FBXL19: variants seen among roughly 807,000 people sequenced by gnomAD.
FBXL19 encodes F-box and leucine rich repeat protein 19.
A neutral mutation model predicts 71.2 loss-of-function variants in FBXL19; 16 were observed. The observed-to-expected ratio is 0.22, with a 90% CI of 0.15 to 0.34. The LOEUF (loss-of-function observed/expected upper bound fraction) is 0.34, where lower values mean the gene tolerates loss of function less well. Among genes scored for constraint, FBXL19 ranks in the 10% least tolerant of loss-of-function variants. The probability of loss-of-function intolerance (pLI) is 1.00; values close to 1 mark genes in which losing one functional copy is unlikely to be tolerated. For synonymous variants in FBXL19, 447 were observed against 409.4 expected (o/e 1.09, Z -1.11); for missense variants, 658 against 968.2 (o/e 0.68, Z 4.25).
At chr16:30,934,526 T>G (rs1381826446) in intron 7 of FBXL19, among the ~76,000 whole-genome samples, 1 of 151,628 alleles carries the variant, frequency 6.6e-6, no homozygotes. Flanking sequence ...GGCATGGTGG[T>G]GGGCGCCTGT....
At position 30,927,311 on chromosome 16, in the gene FBXL19, G is replaced by A; in HGVS notation, c.181G>A (p.Val61Met). Reference protein sequence around the residue: ...SCLLRQCTAPVLPHTAVCLLC... With the variant: ...SCLLRQCTAPMLPHTAVCLLC... ...GATGTCCCCTCTCCCCCAACAGCCC[G>A]TGCTCCCACACACAGCTGTGTGCCT... Residue 61 changes from valine (V) to methionine (M), a missense_variant, in exon 3 of 11, where the codon GTG (valine) becomes ATG (methionine). Physicochemically the swap from Val to Met is conservative, Grantham distance 21. Around this residue, in one of 8 missense-constraint regions of FBXL19, gnomAD observed 447 missense variants for 515.4 expected, o/e 0.87. Coordinates refer to ENST00000338343, the MANE Select transcript of FBXL19 (RefSeq NM_001382779.1). 1.9e-6 allele frequency: 3 copies of A among 1,564,176 alleles called. No individual in the cohort carries two copies. Among genetic ancestry groups the A allele is most frequent in the South Asian group, 1.2e-5 (1 of 84,920 alleles).
At chr16:30,924,760 G>A (rs35675346) in intron 1 of FBXL19, 383,034 of 1,486,574 alleles carry the variant, frequency 0.26, 55,657 homozygotes, top group South Asian at 0.62. Flanking sequence ...CGGAAAGGGG[G>A]AATCTGGGGT....
At chr16:30,927,692 G>T (rs1205599989) in intron 4 of FBXL19, 33 bp downstream of exon 4, 1 of 1,559,308 alleles carries the variant, frequency 6.4e-7, no homozygotes, top group Non-Finnish European at 8.7e-7. Flanking sequence ...CTGTGGGTAG[G>T]TGGGTGTTGG....
In FBXL19 at chr16:30,930,666, C is replaced by A; in HGVS notation, c.1301+82C>A. On this transcript the variant is annotated intron_variant, in intron 7 of 10. Transcript: ENST00000338343. This position sits in a 1 kb window ranked among gnomAD's most constrained non-coding sequence, Gnocchi z 8.5. ...TGACCTGCGGTAGGTCTCTGGCCCTCTCTGGGCCTTGCTTTTATATTGGGG... is the reference window on the plus strand; with the variant it reads ...TGACCTGCGGTAGGTCTCTGGCCCTATCTGGGCCTTGCTTTTATATTGGGG... The A allele has an allele frequency of 1.5e-6, 2 of 1,347,952 alleles. No homozygotes were observed. Among genetic ancestry groups the A allele is most frequent in the South Asian group, 1.8e-5 (1 of 55,862 alleles). The allele number at this position is 1,347,952 out of a possible 1,614,324, so 83.5% of individuals were successfully genotyped here.
At chr16:30,938,157 G>A (rs2055758942) in intron 7 of FBXL19, among the ~76,000 whole-genome samples, 1 of 152,114 alleles carries the variant, frequency 6.6e-6, no homozygotes, top group African/African-American at 2.4e-5. Context: ...AGGAGAGCGA[G>A]TGGCAGAGGG....
At position 30,947,782 on chromosome 16, in the gene FBXL19, A is replaced by T. The variant is rs1310980666; in HGVS notation, c.*552A>T. The stretch of plus-strand genomic sequence containing the variant: ...AGCTGGGGCTGAGCTGGAGGTGGGG[A>T]TGAGAGCAGGTGTGGGGACAGCAAT... On this transcript the variant is annotated 3_prime_UTR_variant, in exon 11 of 11. Transcript: ENST00000338343. 3 of 414,610 alleles carry T rather than the reference A, an allele frequency of 7.2e-6. No homozygotes were observed. The highest frequency in any genetic ancestry group is 1.7e-4 in the East Asian group (2 of 11,930). 25.7% of individuals were successfully genotyped at this position (414,610 alleles called of 1,614,324 possible). A position where few individuals can be genotyped will look rare whatever the true frequency, so the allele number is the denominator to read the frequency against.
In FBXL19 at chr16:30,946,234, C is replaced by T. The variant is rs990772830; in HGVS notation, c.1628-496C>T. 3.3e-5 allele frequency among the ~76,000 whole-genome samples: 5 copies of T among 152,114 alleles called. No individual in the cohort carries two copies. Among genetic ancestry groups the T allele is most frequent in the East Asian group, 3.9e-4 (2 of 5,188 alleles). On this transcript the variant is annotated intron_variant, in intron 9 of 10. Coordinates refer to ENST00000338343, the MANE Select transcript of FBXL19 (RefSeq NM_001382779.1). The surrounding 1 kb of genome is among the most constrained non-coding windows in gnomAD (Gnocchi z 6.7). ...ATTTATTTATTTTGAGATGGAGTCTCGCTCTGTTGCCCAGGCTGGGGTGCA... is the reference window on the plus strand; with the variant it reads ...ATTTATTTATTTTGAGATGGAGTCTTGCTCTGTTGCCCAGGCTGGGGTGCA...
chr16:30,945,574 G>T (rs1352692005), intron 9 of FBXL19, among the ~76,000 whole-genome samples: 2 of 150,994 alleles, frequency 1.3e-5, no homozygotes, highest in Non-Finnish European at 2.9e-5. Flanking sequence ...GTGGCAAGGA[G>T]ATTGCTTGAA....
chr16:30,942,579 G>C lies in FBXL19; in HGVS notation c.1627+43G>C. The C allele has an allele frequency of 6.6e-7, 1 of 1,521,450 alleles. No individual in the cohort carries two copies. Among genetic ancestry groups the C allele is most frequent in the Admixed American group, 2.0e-5 (1 of 49,846 alleles). The allele number at this position is 1,521,450 out of a possible 1,614,324, so 94.2% of individuals were successfully genotyped here. ...TTTTCTGGAGAATGGGCTGGGCAAG[G>C]GTAGGGTAGGAGGCCTCTCAGGTCT... is the stretch of plus-strand genomic sequence containing the variant. On this transcript the variant is annotated intron_variant, in intron 9 of 10. Coordinates refer to ENST00000338343, the MANE Select transcript of FBXL19 (RefSeq NM_001382779.1). The surrounding 1 kb of genome is among the most constrained non-coding windows in gnomAD (Gnocchi z 5.7).
chr16:30,938,605 GTCTT>G (rs975212429), intron 7 of FBXL19, among the ~76,000 whole-genome samples: 1 of 152,150 alleles, frequency 6.6e-6, no homozygotes, highest in Non-Finnish European at 1.5e-5. Context: ...TGGAAAGGAA[GTCTT>G]TCCATTGGAA....
chr16:30,932,261 G>T, intron 7 of FBXL19, among the ~76,000 whole-genome samples: 1 of 152,214 alleles, frequency 6.6e-6, no homozygotes, highest in Middle Eastern at 3.2e-3. Flanking sequence ...CGCACAGCCT[G>T]TCAGGCCTCA....
rs1268572660 is a variant in FBXL19 at position 30,942,719 on chromosome 16, T to G, written c.1627+183T>G. 6.6e-6 allele frequency among the ~76,000 whole-genome samples: 1 copy of G among 152,242 alleles called. No homozygotes were observed. The highest frequency in any genetic ancestry group is 1.5e-5 in the Non-Finnish European group (1 of 68,038). Reference sequence around the variant, plus strand: ...TCATTCACCCACCTGCTGTGTACTTTGAACTGAGTCTTGAAAGGAACAGGG... The same window carrying G: ...TCATTCACCCACCTGCTGTGTACTTGGAACTGAGTCTTGAAAGGAACAGGG... On this transcript the variant is annotated intron_variant, in intron 9 of 10. Coordinates refer to ENST00000338343, the MANE Select transcript of FBXL19 (RefSeq NM_001382779.1). This position sits in a 1 kb window ranked among gnomAD's most constrained non-coding sequence, Gnocchi z 5.7.
chr16:30,947,192 C>T lies in FBXL19; in HGVS notation c.1987C>T (p.Arg663Cys). The T allele has an allele frequency of 6.3e-7, 1 of 1,598,762 alleles. No homozygotes were observed. The highest frequency in any genetic ancestry group is 8.5e-7 in the Non-Finnish European group (1 of 1,179,294). The change falls in exon 11 of 11, where the codon CGC becomes TGC. Residue 663 changes from arginine (R) to cysteine (C), a missense_variant. By Grantham distance (180) the Arg-to-Cys change is radical. Transcript: ENST00000338343. Reference protein sequence around the residue: ...LAAAGPPGPFRCPEEKLLLKD... With the variant: ...LAAAGPPGPFCCPEEKLLLKD... Reference sequence around the variant, plus strand: ...AGCTGCCGGGCCCCCTGGCCCCTTCCGCTGCCCTGAGGAGAAGCTGCTTCT... The same window carrying T: ...AGCTGCCGGGCCCCCTGGCCCCTTCTGCTGCCCTGAGGAGAAGCTGCTTCT...
At chr16:30,923,086 T>C (rs1312852894), upstream of FBXL19, 2 of 456,602 alleles carry the variant, frequency 4.4e-6, no homozygotes, top group Non-Finnish European at 8.8e-6. Context: ...CCTTTTCACC[T>C]TTCCATTGTT....
rs1025809394 is a variant in FBXL19 at position 30,930,448 on chromosome 16, C to G, written c.1165C>G (p.Pro389Ala). ...CGTGGTGCGGCCCCCGCCTCGAAGC[C>G]CTGAGCCCGACACACTCCCCTTGGC... is the stretch of plus-strand genomic sequence containing the variant. ...RHVVRPPPRSPEPDTLPLAAG... is the reference protein window; with the variant it reads ...RHVVRPPPRSAEPDTLPLAAG... The change falls in exon 7 of 11, where the codon CCT (proline) becomes GCT (alanine). Residue 389 changes from proline to alanine, a missense_variant. Coordinates refer to ENST00000338343, the MANE Select transcript of FBXL19 (RefSeq NM_001382779.1). The surrounding 1 kb of genome is among the most constrained non-coding windows in gnomAD (Gnocchi z 8.5). The G allele has an allele frequency of 6.5e-7, 1 of 1,534,186 alleles. No individual in the cohort carries two copies. Among genetic ancestry groups the G allele is most frequent in the Non-Finnish European group, 8.7e-7 (1 of 1,145,638 alleles).
At chr16:30,943,869 C>G (rs1208395958) in intron 9 of FBXL19, among the ~76,000 whole-genome samples, 1 of 152,140 alleles carries the variant, frequency 6.6e-6, no homozygotes, top group South Asian at 2.1e-4. Context: ...CCCACCATGC[C>G]CCCTCCACAA....
At position 30,946,156 on chromosome 16, in the gene FBXL19, A is replaced by G. The variant is rs979724975; in HGVS notation, c.1628-574A>G. ...GAACGTGAAGGAATCGGCATGTCACATGGCAAGACAGCAAGAGAGAGGAGG... is the reference window on the plus strand; with the variant it reads ...GAACGTGAAGGAATCGGCATGTCACGTGGCAAGACAGCAAGAGAGAGGAGG... On this transcript the variant is annotated intron_variant, in intron 9 of 10. Transcript: ENST00000338343. This position sits in a 1 kb window ranked among gnomAD's most constrained non-coding sequence, Gnocchi z 6.7. Among the ~76,000 whole-genome samples, 3 of 152,200 alleles carry G rather than the reference A, an allele frequency of 2.0e-5. No individual in the cohort carries two copies. The highest frequency in any genetic ancestry group is 4.4e-5 in the Non-Finnish European group (3 of 68,026).
intron 7 of FBXL19, among the ~76,000 whole-genome samples, chr16:30,937,782 A>G (rs2055755469): frequency 6.6e-6 from 1 of 152,076 alleles, no homozygotes; most frequent in African/African-American, 2.4e-5. Context: ...GTTGTGGAGT[A>G]TGATACAGAA....
chr16:30,932,552 G>A (rs2055686810), intron 7 of FBXL19, among the ~76,000 whole-genome samples: 1 of 152,228 alleles, frequency 6.6e-6, no homozygotes, highest in Non-Finnish European at 1.5e-5. Context: ...TTCACTGGCT[G>A]CGTGGCCATG....
Sources: allele counts gnomAD v4.1 joint callset (sites outside exome capture counted in the v4.1 genomes callset), GRCh38; gene constraint gnomAD v4.1.1; regional missense constraint gnomAD v4.1.1; non-coding constraint Gnocchi (gnomAD v3.1); transcripts MANE v1.5; gene names NCBI Gene and HGNC (gene_info 2026-07-23, HGNC 2026-07-21).